Variants in BTBD1 observed in about 807,000 individuals in gnomAD.
BTBD1 encodes BTB domain containing 1.
In BTBD1, 34 loss-of-function variants were observed where a neutral mutation model predicts 48.0. The observed-to-expected ratio is 0.71, with a 90% CI of 0.54 to 0.94. The LOEUF (loss-of-function observed/expected upper bound fraction) is 0.94, where lower values mean the gene tolerates loss of function less well. BTBD1 is among the 40% of genes least tolerant of loss of function. BTBD1 has a pLI of 0.00. For synonymous variants in BTBD1, 261 were observed against 242.1 expected (o/e 1.08, Z -0.72); for missense variants, 543 against 625.6 (o/e 0.87, Z 1.41).
In BTBD1 at chr15:83,066,840, A is replaced by T; in HGVS notation, c.312T>A (p.Phe104Leu). 1 of 1,448,868 alleles carries T rather than the reference A, an allele frequency of 6.9e-7. No individual in the cohort carries two copies. Among genetic ancestry groups the T allele is most frequent in the Non-Finnish European group, 9.0e-7 (1 of 1,105,156 alleles). 89.8% of individuals were successfully genotyped at this position (1,448,868 alleles called of 1,614,324 possible). A position where few individuals can be genotyped will look rare whatever the true frequency, so the allele number is the denominator to read the frequency against. ...RFVLAAGSAV[F>L]DAMFNGGMAT... ...CCATGCCGCCGTTGAACATGGCGTC[A>T]AAGACGGCGCTGCCGGCCGCCAGCA... Residue 104 changes from phenylalanine to leucine, a missense_variant, in exon 1 of 8, where the codon TTT becomes TTA. Coordinates refer to ENST00000261721, the MANE Select transcript of BTBD1 (RefSeq NM_025238.4).
At chr15:83,021,580 C>T (rs1382608371) in intron 5 of BTBD1, among the ~76,000 whole-genome samples, 2 of 151,932 alleles carry the variant, frequency 1.3e-5, no homozygotes, top group Non-Finnish European at 2.9e-5. Context: ...ATGGCAAATC[C>T]CTGTCTTTAC....
chr15:83,036,709 A>T (rs1024730135), intron 4 of BTBD1, among the ~76,000 whole-genome samples: 2 of 152,224 alleles, frequency 1.3e-5, no homozygotes, highest in Non-Finnish European at 2.9e-5. Flanking sequence ...CAGTTGTATA[A>T]CAGAATATTA....
intron 4 of BTBD1, 108 bp from the exon 5 acceptor site, chr15:83,030,436 G>T: frequency 2.3e-6 from 2 of 883,168 alleles, no homozygotes; most frequent in South Asian, 1.8e-5. Flanking sequence ...ATAAAAATAG[G>T]GGAAAAAAAT....
intron 4 of BTBD1, among the ~76,000 whole-genome samples, chr15:83,030,947 C>G (rs1351575239): frequency 6.6e-6 from 1 of 152,028 alleles, no homozygotes; most frequent in African/African-American, 2.4e-5. Context: ...ACAAAGTGGG[C>G]AAAGGACATG....
intron 5 of BTBD1, chr15:83,022,236 T>A (rs939715990): frequency 3.3e-5 from 5 of 151,218 alleles, no homozygotes; most frequent in East Asian, 1.9e-4. Flanking sequence ...TTTTTTTTTT[T>A]ACAGATGGAG....
At chr15:83,063,557 C>A (rs1478190142) in intron 1 of BTBD1, among the ~76,000 whole-genome samples, 1 of 152,208 alleles carries the variant, frequency 6.6e-6, no homozygotes, top group African/African-American at 2.4e-5. Context: ...TTTACTCCAA[C>A]CACTGCCAGA....
chr15:83,056,332 T>C, intron 2 of BTBD1, 57 bp downstream of exon 2: 1 of 1,209,516 alleles, frequency 8.3e-7, no homozygotes, highest in Non-Finnish European at 1.2e-6. Flanking sequence ...AATGCCCATA[T>C]ATAGTTTACT....
intron 5 of BTBD1, chr15:83,029,469 C>T (rs1488247731): frequency 6.6e-6 from 1 of 152,108 alleles, no homozygotes; most frequent in Non-Finnish European, 1.5e-5. Context: ...AAAACTCACA[C>T]TAAACATAGT....
intron 3 of BTBD1, chr15:83,044,844 T>C (rs1298052360): frequency 1.1e-5 from 10 of 892,248 alleles, no homozygotes; most frequent in African/African-American, 3.3e-5. Context: ...CAAATCTCCA[T>C]AGTGTTTTTT....
Position 83,066,667 on chromosome 15 carries a change from TCCGGGTAGG to T in BTBD1, c.401+75_401+83del, listed in dbSNP as rs2033278110. 3.2e-6 allele frequency: 4 copies of T among 1,258,520 alleles called. No individual in the cohort carries two copies. In the East Asian group the frequency reaches 1.3e-4, roughly 41 times the overall value. 78.0% of individuals were successfully genotyped at this position (1,258,520 alleles called of 1,614,324 possible). ...AGCCCAGCCCAAGGTCATCCGGGAG[TCCGGGTAGG>T]CCGGGCCCCGGGGATCTCCCAGCCC... On this transcript the variant is annotated intron_variant, in intron 1 of 7. Transcript: ENST00000261721.
intron 4 of BTBD1, among the ~76,000 whole-genome samples, chr15:83,039,222 T>C (rs546230127): frequency 1.3e-5 from 2 of 150,876 alleles, no homozygotes; most frequent in African/African-American, 4.9e-5. Context: ...CCAAAAAATA[T>C]GAACAGACAT....
At chr15:83,050,431 T>A (rs1026409092) in intron 2 of BTBD1, among the ~76,000 whole-genome samples, 8 of 32,446 alleles carry the variant, frequency 2.5e-4, no homozygotes, top group African/African-American at 1.6e-3. Context: ...TTTATGTGCT[T>A]GTGTGTGTGT....
chr15:83,031,137 C>T (rs932470766), intron 4 of BTBD1, among the ~76,000 whole-genome samples: 3 of 152,168 alleles, frequency 2.0e-5, no homozygotes, highest in Non-Finnish European at 4.4e-5. Flanking sequence ...AGTTTACAGC[C>T]CCACCAACAG....
At chr15:83,066,716 CG>C in intron 1 of BTBD1, 34 bp downstream of exon 1, 1 of 1,258,406 alleles carries the variant, frequency 7.9e-7, no homozygotes, top group East Asian at 3.2e-5. Context: ...CGGCCCGGCC[CG>C]GCCCGGCCCG....
intron 4 of BTBD1, among the ~76,000 whole-genome samples, chr15:83,036,795 A>G (rs1183323738): frequency 6.6e-6 from 1 of 152,198 alleles, no homozygotes; most frequent in Non-Finnish European, 1.5e-5. Flanking sequence ...TGTTAAGAGA[A>G]AGAAGCCACA....
chr15:83,039,627 A>G (rs2151305969), intron 4 of BTBD1, among the ~76,000 whole-genome samples: 1 of 152,100 alleles, frequency 6.6e-6, no homozygotes, highest in African/African-American at 2.4e-5. Context: ...TACAAAAATT[A>G]GCTAAGCTTG....
Position 83,041,890 on chromosome 15 carries a change from T to G in BTBD1, c.700A>C (p.Ser234Arg), listed in dbSNP as rs1441802665. ...LCAVLERDTL[S>R]IRESRLFGAV... ...CCAAAAAGTCGACTTTCTCGAATAC[T>G]GAGTGTGTCTCTCTCTAAAACTGCA... Residue 234 changes from serine to arginine, a missense_variant, in exon 4 of 8, where the codon AGT (serine) becomes CGT (arginine). By Grantham distance (110) the Ser-to-Arg change is moderately radical (BLOSUM62 -1). Coordinates refer to ENST00000261721, the MANE Select transcript of BTBD1 (RefSeq NM_025238.4). 2 of 1,614,178 alleles carry G rather than the reference T, an allele frequency of 1.2e-6. No individual in the cohort carries two copies. The highest frequency in any genetic ancestry group is 1.7e-5 in the Admixed American group (1 of 60,026).
chr15:83,066,504 T>A (rs2033273885), intron 1 of BTBD1, among the ~76,000 whole-genome samples: 1 of 152,144 alleles, frequency 6.6e-6, no homozygotes, highest in South Asian at 2.1e-4. Flanking sequence ...CGCCTTTCAA[T>A]GGTAAAACGC....
At chr15:83,025,862 C>T (rs1050534824) in intron 5 of BTBD1, among the ~76,000 whole-genome samples, 3 of 152,054 alleles carry the variant, frequency 2.0e-5, no homozygotes, top group African/African-American at 4.8e-5. Flanking sequence ...CTCCGCCTCC[C>T]GGGTTCACGC....
Sources: allele counts gnomAD v4.1 joint callset (sites outside exome capture counted in the v4.1 genomes callset), GRCh38; gene constraint gnomAD v4.1.1; transcripts MANE v1.5; gene names NCBI Gene and HGNC (gene_info 2026-07-23, HGNC 2026-07-21).